BBS9: variants seen among roughly 807,000 people sequenced by gnomAD.
BBS9 encodes Bardet-Biedl syndrome 9.
In BBS9, 89 loss-of-function variants were observed where a neutral mutation model predicts 117.7. The ratio of observed to expected loss-of-function variants is 0.76; its 90% confidence interval spans 0.64 to 0.90. BBS9 has a LOEUF of 0.90. Among genes scored for constraint, BBS9 ranks in the 40% least tolerant of loss-of-function variants. The pLI is 0.00. For synonymous variants in BBS9, 379 were observed against 370.9 expected (o/e 1.02, Z -0.25); for missense variants, 982 against 1,042.2 (o/e 0.94, Z 0.80).
At chr7:33,604,828 C>T (rs1585455775) in intron 21 of BBS9, 37 bp from the exon 22 acceptor site, 4 of 1,451,676 alleles carry the variant, frequency 2.8e-6, no homozygotes, top group African/African-American at 2.8e-5. Context: ...GATTTTCTTA[C>T]ACATTGCTTA....
Position 33,540,762 on chromosome 7 carries a change from C to T in BBS9, c.2521+6586C>T, listed in dbSNP as rs528702441. On this transcript the variant is annotated intron_variant, in intron 21 of 22. Transcript: ENST00000242067. ...TGGAGCGTGTTTGTATTTCAGTTCT[C>T]ATGAACTAACCCAAGTCCTTTGCAG... is the stretch of plus-strand genomic sequence containing the variant. Among the ~76,000 whole-genome samples the T allele has an allele frequency of 2.0e-5, 3 of 152,292 alleles. No homozygotes were observed. The South Asian group carries it at 6.2e-4, about 32-fold the overall frequency.
intron 20 of BBS9, among the ~76,000 whole-genome samples, chr7:33,530,671 T>C: frequency 6.6e-6 from 1 of 152,222 alleles, no homozygotes; most frequent in East Asian, 1.9e-4. Flanking sequence ...TAGATTTTGG[T>C]AGTAGTAAAG....
At chr7:33,210,388 T>C (rs964869810) in intron 5 of BBS9, among the ~76,000 whole-genome samples, 7 of 152,214 alleles carry the variant, frequency 4.6e-5, no homozygotes, top group East Asian at 1.9e-4. Flanking sequence ...TGAGATGTTT[T>C]GTAAATGTCT....
chr7:33,630,489 A>G (rs554574270), intron 21 of BBS9, among the ~76,000 whole-genome samples: 2 of 152,258 alleles, frequency 1.3e-5, no homozygotes, highest in Admixed American at 6.5e-5. Context: ...CTAAACCACA[A>G]TGCCCCTACC....
intron 21 of BBS9, among the ~76,000 whole-genome samples, chr7:33,565,847 T>C (rs1037357457): frequency 7.7e-6 from 1 of 129,550 alleles, no homozygotes; most frequent in Admixed American, 7.9e-5. Context: ...ATACTGCTTA[T>C]ATATATATAT....
chr7:33,512,525 A>G (rs1847112039), intron 20 of BBS9, among the ~76,000 whole-genome samples: 1 of 152,244 alleles, frequency 6.6e-6, no homozygotes, highest in South Asian at 2.1e-4. Flanking sequence ...ATTAAATTCA[A>G]ACAATCACAG....
intron 14 of BBS9, 143 bp downstream of exon 14, chr7:33,351,466 A>C (rs895501555): frequency 1.4e-6 from 1 of 721,808 alleles, no homozygotes; most frequent in African/African-American, 1.7e-5. Context: ...TCATGTTTTC[A>C]TTACTTTTAT....
downstream of BBS9, among the ~76,000 whole-genome samples, chr7:33,606,864 T>C (rs1864600949): frequency 6.6e-6 from 1 of 152,144 alleles, no homozygotes; most frequent in Non-Finnish European, 1.5e-5. Context: ...CGTTTTTGTC[T>C]TTTTATTTTG....
intron 5 of BBS9, among the ~76,000 whole-genome samples, chr7:33,186,950 GAT>G (rs1431812265): frequency 6.6e-6 from 1 of 152,146 alleles, no homozygotes; most frequent in Non-Finnish European, 1.5e-5. Flanking sequence ...ATAGATTTAA[GAT>G]ATGTTAGTAA....
intron 9 of BBS9, among the ~76,000 whole-genome samples, chr7:33,282,334 G>A (rs969632671): frequency 6.6e-6 from 1 of 151,824 alleles, no homozygotes; most frequent in Non-Finnish European, 1.5e-5. Context: ...GCAAATTTAG[G>A]CATAGAATAA....
At chr7:33,414,041 A>G (rs1222953724) in intron 19 of BBS9, among the ~76,000 whole-genome samples, 12 of 152,076 alleles carry the variant, frequency 7.9e-5, no homozygotes. Flanking sequence ...AAACAAAACA[A>G]AACAAAAAAC....
At chr7:33,614,010 G>A (rs1865011118) in intron 21 of BBS9, among the ~76,000 whole-genome samples, 1 of 151,928 alleles carries the variant, frequency 6.6e-6, no homozygotes, top group Admixed American at 6.6e-5. Context: ...CTAAATGCTG[G>A]GAAAATACAA....
downstream of BBS9, among the ~76,000 whole-genome samples, chr7:33,607,727 T>TA (rs1298214115): frequency 2.6e-5 from 4 of 152,086 alleles, no homozygotes; most frequent in East Asian, 5.8e-4. Context: ...CAGACTTTTT[T>TA]AAAAAAAATT....
At chr7:33,363,648 A>G (rs967803977) in intron 16 of BBS9, among the ~76,000 whole-genome samples, 2 of 150,932 alleles carry the variant, frequency 1.3e-5, no homozygotes, top group African/African-American at 4.9e-5. Flanking sequence ...ATTGTCTTTC[A>G]CCATTAAGTA....
chr7:33,591,575 G>C (rs1305915145), intron 21 of BBS9, among the ~76,000 whole-genome samples: 1 of 151,860 alleles, frequency 6.6e-6, no homozygotes. Context: ...AAAAATAATT[G>C]GTGTTTGCTT....
At chr7:33,267,860 A>G (rs2128334255) in intron 7 of BBS9, among the ~76,000 whole-genome samples, 1 of 152,312 alleles carries the variant, frequency 6.6e-6, no homozygotes, top group East Asian at 1.9e-4. Context: ...CCTTCAAACT[A>G]AAGGAATTCC....
chr7:33,328,361 A>G (rs1813271504), intron 9 of BBS9, among the ~76,000 whole-genome samples: 1 of 152,226 alleles, frequency 6.6e-6, no homozygotes, highest in East Asian at 1.9e-4. Flanking sequence ...TTATACAGCA[A>G]GCCTCATGTC....
intron 21 of BBS9, among the ~76,000 whole-genome samples, chr7:33,546,370 TAATG>T (rs1853375183): frequency 6.6e-6 from 1 of 152,242 alleles, no homozygotes; most frequent in Non-Finnish European, 1.5e-5. Flanking sequence ...CACAATTACT[TAATG>T]AATATTCTTG....
chr7:33,174,661 G>T (rs550612157), intron 4 of BBS9, among the ~76,000 whole-genome samples: 1 of 152,218 alleles, frequency 6.6e-6, no homozygotes, highest in Non-Finnish European at 1.5e-5. Context: ...TTATGTTATA[G>T]TTCATTATGT....
Sources: gnomAD v4.1 joint callset for allele counts (sites outside exome capture counted in the v4.1 genomes callset) on GRCh38, gnomAD v4.1.1 for gene constraint, MANE v1.5 for transcripts, NCBI Gene and HGNC (gene_info 2026-07-23, HGNC 2026-07-21) for gene names.